LHFPL2: variants seen among roughly 807,000 people sequenced by gnomAD.
The protein encoded by LHFPL2 is LHFPL tetraspan subfamily member 2 protein.
A neutral mutation model predicts 17.5 loss-of-function variants in LHFPL2; 7 were observed. The observed-to-expected ratio is 0.40, with a 90% CI of 0.23 to 0.75. The LOEUF (loss-of-function observed/expected upper bound fraction) is 0.75, where lower values mean the gene tolerates loss of function less well. Ranked by LOEUF, LHFPL2 falls within the 30% of genes least tolerant of loss-of-function variation. LHFPL2 has a pLI of 0.37. For synonymous variants in LHFPL2, 134 were observed against 116.2 expected (o/e 1.15, Z -0.99); for missense variants, 241 against 294.8 (o/e 0.82, Z 1.34).
At chr5:78,517,389 C>A (rs971491499) in intron 3 of LHFPL2, among the ~76,000 whole-genome samples, 3 of 152,210 alleles carry the variant, frequency 2.0e-5, no homozygotes, top group Admixed American at 2.0e-4. Flanking sequence ...ATTAATCTAC[C>A]TCTGGCCACT....
At chr5:78,608,010 G>T (rs1455468322) in intron 2 of LHFPL2, among the ~76,000 whole-genome samples, 3 of 152,208 alleles carry the variant, frequency 2.0e-5, no homozygotes, top group Admixed American at 2.0e-4. Context: ...AAGTGTAAAA[G>T]AAAGATAAGC....
chr5:78,616,466 T>C (rs987564773), intron 2 of LHFPL2, among the ~76,000 whole-genome samples: 7 of 152,100 alleles, frequency 4.6e-5, no homozygotes, highest in African/African-American at 1.7e-4. Context: ...GACTATGGAT[T>C]GCTTCGGAAG....
At chr5:78,551,817 C>A (rs1406312484) in intron 3 of LHFPL2, among the ~76,000 whole-genome samples, 1 of 152,178 alleles carries the variant, frequency 6.6e-6, no homozygotes, top group African/African-American at 2.4e-5. Flanking sequence ...TTCTGATCTA[C>A]CTTTTTTGAC....
intron 3 of LHFPL2, among the ~76,000 whole-genome samples, chr5:78,516,450 G>GT (rs2112334227): frequency 6.6e-6 from 1 of 152,312 alleles, no homozygotes; most frequent in Admixed American, 6.5e-5. Flanking sequence ...TGTCACAGCT[G>GT]TGGGGGTAGG....
chr5:78,553,995 G>A (rs897880618), intron 3 of LHFPL2, among the ~76,000 whole-genome samples: 1 of 152,176 alleles, frequency 6.6e-6, no homozygotes, highest in Non-Finnish European at 1.5e-5. Context: ...TTCTCCCTGC[G>A]TTCCCCATTT....
rs1283753597 is a variant in LHFPL2, at chr5:78,486,820, A to G, written c.*2077T>C. ...GGAGGATCCTGTGAGCTTAGGACTT[A>G]ACTTGTAAGGACACTGAGATTGTAA... On this transcript the variant is annotated 3_prime_UTR_variant, in exon 5 of 5. Transcript: ENST00000380345. The G allele has an allele frequency of 6.6e-6, 1 of 152,226 alleles. No homozygotes were observed. The highest frequency in any genetic ancestry group is 1.5e-5 in the Non-Finnish European group (1 of 68,046). 9.4% of individuals were successfully genotyped at this position (152,226 alleles called of 1,614,324 possible).
intron 4 of LHFPL2, 104 bp from the exon 5 acceptor site, chr5:78,489,257 C>CTATTCTGCAATAGAAAGTGTTG: frequency 1.5e-6 from 2 of 1,290,524 alleles, no homozygotes; most frequent in Non-Finnish European, 2.2e-6. Flanking sequence ...GCAAGGGCAT[C>CTATTCTGCAATAGAAAGTGTTG]TATTCTGCAA....
intron 2 of LHFPL2, among the ~76,000 whole-genome samples, chr5:78,629,091 C>CT (rs923160318): frequency 6.6e-6 from 1 of 152,084 alleles, no homozygotes; most frequent in African/African-American, 2.4e-5. Context: ...TGGATGAGGA[C>CT]TTTTTTCAGT....
At chr5:78,597,994 A>G (rs1258716829) in intron 2 of LHFPL2, among the ~76,000 whole-genome samples, 8 of 152,216 alleles carry the variant, frequency 5.3e-5, no homozygotes, top group South Asian at 2.1e-4. Context: ...CACAAACTAA[A>G]TAACAATGGA....
At chr5:78,510,525 C>T (rs1333021972) in intron 3 of LHFPL2, 127 bp from the exon 4 acceptor site, 4 of 359,252 alleles carry the variant, frequency 1.1e-5, no homozygotes, top group African/African-American at 4.3e-5. Flanking sequence ...GCCTGGCTAG[C>T]ATGCCAGGCG....
intron 1 of LHFPL2, among the ~76,000 whole-genome samples, chr5:78,639,994 C>G (rs1474311224): frequency 6.6e-6 from 1 of 152,104 alleles, no homozygotes; most frequent in Non-Finnish European, 1.5e-5. Flanking sequence ...GCAGCCTGCC[C>G]CAGGAGAAAG....
intron 1 of LHFPL2, among the ~76,000 whole-genome samples, chr5:78,643,216 A>C (rs1200048835): frequency 6.6e-6 from 1 of 151,906 alleles, no homozygotes; most frequent in African/African-American, 2.4e-5. Context: ...AGCCTTCTAG[A>C]CTCCAAACTT....
rs143767607 is a variant in LHFPL2 at position 78,487,718 on chromosome 5, G to C, written c.*1179C>G. ...CAGGTGTAGGCAGTGCTGTGACCTTGATCTAGCGCCTCTTTTTGAATTAAC... is the reference window on the plus strand; with the variant it reads ...CAGGTGTAGGCAGTGCTGTGACCTTCATCTAGCGCCTCTTTTTGAATTAAC... On this transcript the variant is annotated 3_prime_UTR_variant, in exon 5 of 5. Coordinates refer to ENST00000380345, the MANE Select transcript of LHFPL2 (RefSeq NM_005779.3). 2 of 152,312 alleles carry C rather than the reference G, an allele frequency of 1.3e-5. No individual in the cohort carries two copies. The highest frequency in any genetic ancestry group is 2.9e-5 in the Non-Finnish European group (2 of 68,012). The allele number at this position is 152,312 out of a possible 1,614,324, so 9.4% of individuals were successfully genotyped here.
Position 78,510,333 on chromosome 5 carries a change from C to T in LHFPL2, c.-120G>A. On this transcript the variant is annotated 5_prime_UTR_variant, in exon 4 of 5. Coordinates refer to ENST00000380345, the MANE Select transcript of LHFPL2 (RefSeq NM_005779.3). ...AAGTCGCAGCTGCAGTCATTCACTC[C>T]CGCCGCCGGCCGCGTTCATGCTGGG... 1.2e-5 allele frequency: 12 copies of T among 971,800 alleles called. No homozygotes were observed. Among genetic ancestry groups the T allele is most frequent in the Non-Finnish European group, 1.8e-5 (12 of 667,292 alleles). The allele number at this position is 971,800 out of a possible 1,614,324, so 60.2% of individuals were successfully genotyped here.
chr5:78,625,525 G>A (rs1043364852), intron 2 of LHFPL2: 9 of 152,124 alleles, frequency 5.9e-5, no homozygotes, highest in Non-Finnish European at 1.0e-4. Flanking sequence ...GAACAAGCCT[G>A]TCTTCACCAC....
intron 2 of LHFPL2, among the ~76,000 whole-genome samples, chr5:78,600,303 G>C (rs1196087879): frequency 6.6e-6 from 1 of 151,326 alleles, no homozygotes; most frequent in Non-Finnish European, 1.5e-5. Context: ...CCACACCAAA[G>C]TTTCAAAGTA....
chr5:78,617,614 G>A (rs575712512), intron 2 of LHFPL2, among the ~76,000 whole-genome samples: 3 of 152,070 alleles, frequency 2.0e-5, no homozygotes, highest in South Asian at 4.2e-4. Flanking sequence ...AGGACAAGCC[G>A]ATCTCATCTT....
chr5:78,488,568 T>C lies in LHFPL2; in HGVS notation c.*329A>G. On this transcript the variant is annotated 3_prime_UTR_variant, in exon 5 of 5. Transcript: ENST00000380345. ...GCCTGCAGATCTGGCGGACGGTCTCTTCCGTTACCAGAGAAACTGCTGCCC... is the reference window on the plus strand; with the variant it reads ...GCCTGCAGATCTGGCGGACGGTCTCCTCCGTTACCAGAGAAACTGCTGCCC... 2.0e-5 allele frequency: 6 copies of C among 298,810 alleles called. No individual in the cohort carries two copies. The highest frequency in any genetic ancestry group is 3.2e-5 in the Non-Finnish European group (5 of 155,028). 18.5% of individuals were successfully genotyped at this position (298,810 alleles called of 1,614,324 possible). A position where few individuals can be genotyped will look rare whatever the true frequency, so the allele number is the denominator to read the frequency against.
At chr5:78,540,564 G>A (rs560109912) in intron 3 of LHFPL2, among the ~76,000 whole-genome samples, 1 of 152,342 alleles carries the variant, frequency 6.6e-6, no homozygotes, top group African/African-American at 2.4e-5. Flanking sequence ...GCAGAGAGGG[G>A]CCCCACACTG....
Sources: gnomAD v4.1 joint callset for allele counts (sites outside exome capture counted in the v4.1 genomes callset) on GRCh38, gnomAD v4.1.1 for gene constraint, MANE v1.5 for transcripts, NCBI Gene and HGNC (gene_info 2026-07-23, HGNC 2026-07-21) for gene names.